Variants in AOPEP observed in about 807,000 individuals in gnomAD.
The protein encoded by AOPEP is aminopeptidase O.
A neutral mutation model predicts 98.1 loss-of-function variants in AOPEP; 77 were observed. That is an observed-to-expected ratio of 0.78 (90% CI 0.65 to 0.95). AOPEP has a LOEUF of 0.95. Among genes scored for constraint, AOPEP ranks in the 40% least tolerant of loss-of-function variants. The pLI is 0.00. For missense variants in AOPEP, 1,024 were observed against 1,024.7 expected (o/e 1.00, Z 0.01); for synonymous variants, 346 against 365.3 (o/e 0.95, Z 0.60).
chr9:94,821,708 T>C (rs1197142944), intron 5 of AOPEP, among the ~76,000 whole-genome samples: 7 of 152,196 alleles, frequency 4.6e-5, no homozygotes, highest in Non-Finnish European at 1.0e-4. Flanking sequence ...CAATTTTAAA[T>C]AGTAGGCAGA....
rs111368828 is a variant in AOPEP at position 94,955,266 on chromosome 9, T to A, written c.1751T>A (p.Val584Glu). Residue 584 changes from valine to glutamate, a missense_variant, in exon 8 of 17, where the codon GTG becomes GAG. Physicochemically the swap from Val to Glu is moderately radical, Grantham distance 121. This residue lies in a region of AOPEP where 566 missense variants were observed against 551.7 expected (regional missense o/e 1.03). Transcript: ENST00000375315. The stretch of plus-strand genomic sequence containing the variant: ...AATCCGGAGAAGATCTTCATGCAGG[T>A]GCATTATTTAAAGGTAAGCACATGT... Reference protein sequence around the residue: ...GLNPEKIFMQVHYLKGYFLLR... With the variant: ...GLNPEKIFMQEHYLKGYFLLR... The A allele has an allele frequency of 3.1e-6, 5 of 1,610,812 alleles. No homozygotes were observed. In the African/African-American group the frequency reaches 6.7e-5, roughly 22 times the overall value.
At chr9:94,790,650 G>A (rs182236216) in intron 3 of AOPEP, among the ~76,000 whole-genome samples, 2 of 152,024 alleles carry the variant, frequency 1.3e-5, no homozygotes, top group Admixed American at 6.6e-5. Flanking sequence ...GAATCTCACC[G>A]AAATATTATT....
At position 94,791,022 on chromosome 9, in the gene AOPEP, A is replaced by G. The variant is rs1166773332; in HGVS notation, c.965-1743A>G. ...AACAGAAGTTCCTCCCTATGGGAAC[A>G]TGAGGAGTGGAGAAATGTGTTCCAT... On this transcript the variant is annotated intron_variant, in intron 3 of 16. Coordinates refer to ENST00000375315, the MANE Select transcript of AOPEP (RefSeq NM_001193329.3). Among the ~76,000 whole-genome samples the G allele has an allele frequency of 5.3e-5, 8 of 152,288 alleles. No individual in the cohort carries two copies. In the East Asian group the frequency reaches 1.4e-3, roughly 26 times the overall value.
intron 13 of AOPEP, among the ~76,000 whole-genome samples, chr9:95,031,913 G>A (rs540342195): frequency 6.4e-4 from 97 of 152,204 alleles, no homozygotes; most frequent in African/African-American, 2.2e-3. Flanking sequence ...CAGAGCCCCC[G>A]CCTCTTCTTT....
At chr9:95,124,868 T>C in the AOPEP span, among the ~76,000 whole-genome samples, 4 of 152,180 alleles carry the variant, frequency 2.6e-5, no homozygotes, top group Non-Finnish European at 5.9e-5. Context: ...GACATAATAG[T>C]AGACAGATGC....
intron 5 of AOPEP, among the ~76,000 whole-genome samples, chr9:94,820,802 G>A (rs894807557): frequency 1.3e-4 from 20 of 152,274 alleles, no homozygotes; most frequent in Admixed American, 8.5e-4. Flanking sequence ...GCACTTTTGC[G>A]TAGCTCACTG....
chr9:94,732,204 T>G (rs1010075991), intron 1 of AOPEP, among the ~76,000 whole-genome samples: 1 of 152,108 alleles, frequency 6.6e-6, no homozygotes, highest in Non-Finnish European at 1.5e-5. Context: ...GAATATGCCT[T>G]TTAATATTCT....
chr9:95,099,239 A>G, the AOPEP span: 1 of 218,326 alleles, frequency 4.6e-6, no homozygotes, highest in Non-Finnish European at 9.2e-6. Flanking sequence ...AGCATGCTTT[A>G]TCAAAAACTA....
intron 7 of AOPEP, among the ~76,000 whole-genome samples, chr9:94,943,603 A>AAAAAAAG (rs1237737423): frequency 6.7e-6 from 1 of 149,420 alleles, no homozygotes; most frequent in African/African-American, 2.5e-5. Context: ...CAAATAAAAA[A>AAAAAAAG]AAAAAAGAAA....
intron 4 of AOPEP, 38 bp from the exon 5 acceptor site, chr9:94,800,719 A>G: frequency 6.2e-7 from 1 of 1,609,034 alleles, no homozygotes; most frequent in Non-Finnish European, 8.5e-7. Flanking sequence ...AGCAAGAATA[A>G]TAAACATGTT....
At chr9:94,785,308 A>G (rs1381557007) in intron 3 of AOPEP, among the ~76,000 whole-genome samples, 1 of 152,264 alleles carries the variant, frequency 6.6e-6, no homozygotes. Flanking sequence ...AGCTGCAAAA[A>G]GCACAGTCAT....
intron 13 of AOPEP, among the ~76,000 whole-genome samples, chr9:95,030,826 G>A (rs2064233848): frequency 1.3e-5 from 2 of 152,174 alleles, no homozygotes; most frequent in Non-Finnish European, 2.9e-5. Context: ...GCAGTTAACC[G>A]TGGGTCTATT....
intron 13 of AOPEP, among the ~76,000 whole-genome samples, chr9:95,012,411 G>A (rs918705900): frequency 6.6e-6 from 1 of 152,086 alleles, no homozygotes; most frequent in Non-Finnish European, 1.5e-5. Flanking sequence ...GTTAGAGTTC[G>A]GCTGGAAAAG....
chr9:94,981,542 A>G (rs1417029806), intron 11 of AOPEP, among the ~76,000 whole-genome samples: 1 of 152,098 alleles, frequency 6.6e-6, no homozygotes, highest in African/African-American at 2.4e-5. Context: ...TCTTCTACCC[A>G]TTTCGGCCAT....
chr9:94,863,563 A>G (rs1232463921), intron 5 of AOPEP, among the ~76,000 whole-genome samples: 4 of 152,046 alleles, frequency 2.6e-5, no homozygotes, highest in Non-Finnish European at 1.5e-5. Context: ...TTACAGGTGC[A>G]TGCCACAACG....
intron 13 of AOPEP, among the ~76,000 whole-genome samples, chr9:95,008,648 T>G (rs1466121679): frequency 6.6e-6 from 1 of 152,100 alleles, no homozygotes; most frequent in Non-Finnish European, 1.5e-5. Context: ...AATTGGGGAC[T>G]GAGATGTACC....
chr9:94,756,153 G>A (rs1475772063), intron 1 of AOPEP, among the ~76,000 whole-genome samples: 1 of 151,998 alleles, frequency 6.6e-6, no homozygotes, highest in Non-Finnish European at 1.5e-5. Flanking sequence ...CCAGCTACTT[G>A]GGAGGCTGAG....
chr9:94,863,280 C>CTTT (rs11299544), intron 5 of AOPEP, among the ~76,000 whole-genome samples: 21 of 91,596 alleles, frequency 2.3e-4, no homozygotes, highest in African/African-American at 6.3e-4. Context: ...CTCTTTTTCT[C>CTTT]TTTTTTTTTT....
chr9:94,919,956 TG>T (rs2053374622), intron 5 of AOPEP, among the ~76,000 whole-genome samples: 1 of 152,136 alleles, frequency 6.6e-6, no homozygotes, highest in Non-Finnish European at 1.5e-5. Context: ...GCTTGATAAA[TG>T]TAAGTCTGTA....
Sources: allele counts gnomAD v4.1 joint callset (sites outside exome capture counted in the v4.1 genomes callset), GRCh38; gene constraint gnomAD v4.1.1; regional missense constraint gnomAD v4.1.1; transcripts MANE v1.5; gene names NCBI Gene and HGNC (gene_info 2026-07-23, HGNC 2026-07-21).